Variants in MAF observed in about 807,000 individuals in gnomAD.
MAF encodes MAF bZIP transcription factor, also known as transcription factor Maf.
MAF carries 10 observed loss-of-function variants against 22.0 expected under a neutral mutation model. The observed-to-expected ratio is 0.45, with a 90% CI of 0.28 to 0.77. The LOEUF (loss-of-function observed/expected upper bound fraction) is 0.77. MAF is among the 30% of genes least tolerant of loss of function. The pLI, the probability that MAF is intolerant of heterozygous loss-of-function variation, is 0.12. For missense variants in MAF, 544 were observed against 548.4 expected, an observed-to-expected ratio of 0.99 and a Z score of 0.08; for synonymous variants, 337 against 255.8, an observed-to-expected ratio of 1.32 and a Z score of -3.03.
the MAF span, among the ~76,000 whole-genome samples, chr16:79,524,818 T>A: frequency 6.6e-5 from 10 of 152,232 alleles, no homozygotes; most frequent in Non-Finnish European, 1.5e-4. Flanking sequence ...TTAGGCAACA[T>A]CAACTTATGG....
chr16:79,367,814 A>G, the MAF span, among the ~76,000 whole-genome samples: 8 of 152,224 alleles, frequency 5.3e-5, no homozygotes, highest in African/African-American at 1.9e-4. Context: ...TAGGCACTCA[A>G]TGACCTGACA....
At chr16:79,447,743 G>A in the MAF span, among the ~76,000 whole-genome samples, 90,062 of 151,748 alleles carry the variant, frequency 0.59, 30,224 homozygotes, top group East Asian at 0.77. Flanking sequence ...AACTGCAGAT[G>A]TGATGGAATT....
At chr16:79,294,351 T>C in the MAF span, among the ~76,000 whole-genome samples, 2 of 152,206 alleles carry the variant, frequency 1.3e-5, no homozygotes, top group Non-Finnish European at 2.9e-5. Context: ...TATAAAAGAC[T>C]GTTTCTTTGA....
the MAF span, among the ~76,000 whole-genome samples, chr16:79,431,574 A>G: frequency 6.6e-6 from 1 of 152,172 alleles, no homozygotes; most frequent in East Asian, 1.9e-4. Flanking sequence ...TCAAAGAAGG[A>G]TTTTATTCAC....
chr16:79,458,416 G>C, the MAF span, among the ~76,000 whole-genome samples: 4 of 152,086 alleles, frequency 2.6e-5, no homozygotes, highest in East Asian at 1.9e-4. Context: ...CAGAGACAGA[G>C]TGTTTTTATT....
At chr16:79,426,141 G>T in the MAF span, among the ~76,000 whole-genome samples, 2 of 152,006 alleles carry the variant, frequency 1.3e-5, no homozygotes, top group Admixed American at 6.5e-5. Flanking sequence ...GGAAGGTGGA[G>T]GTTATAGGGA....
the MAF span, among the ~76,000 whole-genome samples, chr16:79,504,563 A>G: frequency 6.6e-6 from 1 of 152,192 alleles, no homozygotes; most frequent in African/African-American, 2.4e-5. Context: ...TCTTACTTGA[A>G]TGGATGGATG....
At chr16:79,297,367 T>A in the MAF span, among the ~76,000 whole-genome samples, 1 of 152,208 alleles carries the variant, frequency 6.6e-6, no homozygotes, top group Non-Finnish European at 1.5e-5. Context: ...TTAATGAATA[T>A]CTACGGTGAC....
the MAF span, among the ~76,000 whole-genome samples, chr16:79,306,704 T>A: frequency 2.0e-5 from 3 of 152,194 alleles, no homozygotes; most frequent in East Asian, 5.8e-4. Context: ...TTCATCATCA[T>A]CATCATCATC....
the MAF span, among the ~76,000 whole-genome samples, chr16:79,550,861 G>T: frequency 6.6e-6 from 1 of 152,174 alleles, no homozygotes; most frequent in Non-Finnish European, 1.5e-5. Context: ...CCCCCAGGGA[G>T]ATTGGCACAG....
At chr16:79,279,804 C>T in the MAF span, among the ~76,000 whole-genome samples, 3 of 152,014 alleles carry the variant, frequency 2.0e-5, no homozygotes, top group Non-Finnish European at 4.4e-5. Context: ...TTTTAACAAC[C>T]TGCTTATTGT....
At chr16:79,363,237 G>C in the MAF span, among the ~76,000 whole-genome samples, 2 of 152,218 alleles carry the variant, frequency 1.3e-5, no homozygotes, top group Non-Finnish European at 2.9e-5. Flanking sequence ...GGATCGCTCA[G>C]CTCTTGTGGA....
At chr16:79,557,117 T>C in the MAF span, among the ~76,000 whole-genome samples, 1 of 151,930 alleles carries the variant, frequency 6.6e-6, no homozygotes, top group South Asian at 2.1e-4. Context: ...CCAGCTCACG[T>C]ACAAGCTCTT....
the MAF span, chr16:79,212,133 G>C: frequency 1.4e-5 from 22 of 1,529,290 alleles, no homozygotes; most frequent in Non-Finnish European, 1.9e-5. Context: ...AGAATAGCCT[G>C]AGGTCCCCTC....
chr16:79,283,193 G>GATGGATGAATGGATGA, the MAF span, among the ~76,000 whole-genome samples: 10 of 152,290 alleles, frequency 6.6e-5, no homozygotes, highest in African/African-American at 2.2e-4. Context: ...TGAATGGATG[G>GATGGATGAATGGATGA]ATGGATGAAT....
chr16:79,469,324 T>A, the MAF span, among the ~76,000 whole-genome samples: 1 of 152,228 alleles, frequency 6.6e-6, no homozygotes, highest in African/African-American at 2.4e-5. Context: ...AGTTTGCTGA[T>A]TCTTACACTA....
At chr16:79,350,866 A>AGT in the MAF span, among the ~76,000 whole-genome samples, 34,812 of 148,284 alleles carry the variant, frequency 0.23, 4,381 homozygotes, top group Non-Finnish European at 0.3. Flanking sequence ...AACAGTGAGA[A>AGT]GTGTGTGTGT....
the MAF span, chr16:79,203,814 T>C: frequency 6.6e-6 from 1 of 152,220 alleles, no homozygotes; most frequent in African/African-American, 2.4e-5. Context: ...TTCAAAGGTT[T>C]ATTTTGGTGT....
the MAF span, among the ~76,000 whole-genome samples, chr16:79,563,808 A>G: frequency 7.9e-5 from 12 of 152,112 alleles, no homozygotes; most frequent in African/African-American, 2.7e-4. Flanking sequence ...GGGAGTTTTC[A>G]TATCTGATTC....
Sources: allele counts gnomAD v4.1 joint callset (sites outside exome capture counted in the v4.1 genomes callset), GRCh38; gene constraint gnomAD v4.1.1; transcripts MANE v1.5; gene names NCBI Gene and HGNC (gene_info 2026-07-23, HGNC 2026-07-21).